The following GTF2H1 variants were observed in gnomAD, a reference collection of about 807,000 sequenced individuals.
The protein encoded by GTF2H1 is general transcription factor IIH subunit 1.
GTF2H1 carries 16 observed loss-of-function variants against 71.2 expected under a neutral mutation model. The observed-to-expected ratio is 0.22, with a 90% CI of 0.15 to 0.34. The LOEUF is 0.34. Ranked by LOEUF, GTF2H1 falls within the 10% of genes least tolerant of loss-of-function variation. The pLI is 1.00. For missense variants in GTF2H1, 498 were observed against 648.2 expected (o/e 0.77, Z 2.52); for synonymous variants, 215 against 219.0 (o/e 0.98, Z 0.16).
intron 4 of GTF2H1, 96 bp downstream of exon 4, chr11:18,338,370 T>G: frequency 1.3e-6 from 1 of 769,872 alleles, no homozygotes; most frequent in Non-Finnish European, 2.2e-6. Context: ...TAGCATTTCC[T>G]TAAAGGAAAG....
rs4150637 is a variant in GTF2H1 at position 18,347,758 on chromosome 11, A to G, written c.965+43A>G. On this transcript the variant is annotated intron_variant, in intron 8 of 14. Coordinates refer to ENST00000265963, the MANE Select transcript of GTF2H1 (RefSeq NM_005316.4). ...AGGTGCAGTAACTGGGCTTTTCAGG[A>G]TATCCAGATGGAGTTGTGGTGTTGT... The G allele has an allele frequency of 1.9e-3, 3,038 of 1,603,796 alleles. 47 individuals carry two copies. In the African/African-American group the frequency reaches 0.036, roughly 19 times the overall value.
intron 7 of GTF2H1, among the ~76,000 whole-genome samples, chr11:18,342,708 T>C (rs1039936052): frequency 1.3e-5 from 2 of 152,168 alleles, no homozygotes; most frequent in Non-Finnish European, 2.9e-5. Flanking sequence ...TACAACTTAG[T>C]ATGAAAGGAA....
chr11:18,364,399 A>G (rs1973849), intron 14 of GTF2H1, among the ~76,000 whole-genome samples: 2,538 of 152,262 alleles, frequency 0.017, 37 homozygotes, highest in Middle Eastern at 0.037. Context: ...CCAAGGAAAC[A>G]TATTCCAGAG....
intron 1 of GTF2H1, among the ~76,000 whole-genome samples, chr11:18,332,169 A>G (rs1864915704): frequency 6.6e-6 from 1 of 152,194 alleles, no homozygotes; most frequent in Non-Finnish European, 1.5e-5. Flanking sequence ...GTTGCGGTAA[A>G]GCTTCACTTA....
intron 13 of GTF2H1, among the ~76,000 whole-genome samples, chr11:18,359,335 G>A (rs994554823): frequency 1.3e-5 from 2 of 152,284 alleles, no homozygotes; most frequent in African/African-American, 4.8e-5. Flanking sequence ...GAGCCCAGGA[G>A]TTGGAGACCA....
At chr11:18,332,560 C>G (rs1049291412) in intron 1 of GTF2H1, 1 of 152,278 alleles carries the variant, frequency 6.6e-6, no homozygotes, top group Admixed American at 6.5e-5. Context: ...ATATTTAGTT[C>G]TCTCAGTTTT....
rs577491811 is a variant in GTF2H1 at position 18,353,096 on chromosome 11, A to C, written c.1260+650A>C. ...AAAAATTAACTGGGCGTGGTGGCAC[A>C]CACCTGTAATCCCAGCTACTCAAGA... On this transcript the variant is annotated intron_variant, in intron 11 of 14. Transcript: ENST00000265963. Among the ~76,000 whole-genome samples the C allele has an allele frequency of 1.2e-4, 18 of 152,308 alleles. No homozygotes were observed. The East Asian group carries it at 3.1e-3, about 26-fold the overall frequency.
intron 11 of GTF2H1, among the ~76,000 whole-genome samples, chr11:18,353,423 A>G (rs994727797): frequency 2.6e-5 from 4 of 152,194 alleles, no homozygotes; most frequent in Admixed American, 1.3e-4. Context: ...CCTTCCACAC[A>G]TGGCCAAGGG....
chr11:18,360,807 C>CTT (rs370660216), intron 14 of GTF2H1, 100 bp downstream of exon 14: 1,752 of 509,670 alleles, frequency 3.4e-3, no homozygotes, highest in Middle Eastern at 6.3e-3. Flanking sequence ...ACTTAATTTT[C>CTT]TTTTTTTTTT....
chr11:18,341,640 A>G, intron 7 of GTF2H1, 33 bp downstream of exon 7: 1 of 1,360,828 alleles, frequency 7.3e-7, no homozygotes, highest in East Asian at 2.3e-5. Context: ...TTGAGAGAAA[A>G]GAGTCTTTTC....
At chr11:18,346,176 C>T (rs1364424487) in intron 7 of GTF2H1, among the ~76,000 whole-genome samples, 1 of 152,156 alleles carries the variant, frequency 6.6e-6, no homozygotes, top group East Asian at 1.9e-4. Flanking sequence ...CATATACAGT[C>T]TCATGACACA....
intron 7 of GTF2H1, among the ~76,000 whole-genome samples, chr11:18,346,733 C>CTTTTTTTTTTTTTTTTTTTTTTTTTTTTT (rs35494754): frequency 1.2e-5 from 1 of 85,216 alleles, no homozygotes; most frequent in African/African-American, 4.9e-5. Context: ...TTTTTATTTA[C>CTTTTTTTTTTTTTTTTTTTTTTTTTTTTT]TTTTTTTTTT....
At chr11:18,355,862 T>A (rs1207228201) in intron 11 of GTF2H1, among the ~76,000 whole-genome samples, 20 of 152,140 alleles carry the variant, frequency 1.3e-4, no homozygotes, top group Admixed American at 2.6e-4. Flanking sequence ...ATCAAGATTT[T>A]AAAAAACCGG....
chr11:18,365,068 A>AT (rs138556593), intron 14 of GTF2H1, among the ~76,000 whole-genome samples: 1 of 109,890 alleles, frequency 9.1e-6, no homozygotes, highest in African/African-American at 4.2e-5. Flanking sequence ...CATCTCCACT[A>AT]TTTAAAAAAG....
At chr11:18,347,500 C>A in intron 7 of GTF2H1, 88 bp from the exon 8 acceptor site, 1 of 861,094 alleles carries the variant, frequency 1.2e-6, no homozygotes, top group Non-Finnish European at 1.7e-6. Context: ...AAAGTCCCAT[C>A]ATCCAGCAAA....
At chr11:18,322,839 C>T (rs61884318) in intron 1 of GTF2H1, 99 bp downstream of exon 1, 2 of 152,258 alleles carry the variant, frequency 1.3e-5, no homozygotes, top group Non-Finnish European at 2.9e-5. Context: ...TACCCCTGTT[C>T]CCAGCGTCGC....
chr11:18,331,805 A>G (rs975113767), intron 1 of GTF2H1, among the ~76,000 whole-genome samples: 1 of 152,104 alleles, frequency 6.6e-6, no homozygotes, highest in Non-Finnish European at 1.5e-5. Context: ...TTATGTTCAA[A>G]TAGAAGTTCT....
chr11:18,334,257 G>C (rs1231755263), intron 2 of GTF2H1, among the ~76,000 whole-genome samples: 1 of 152,150 alleles, frequency 6.6e-6, no homozygotes. Flanking sequence ...GCGGGCGCCT[G>C]TAGTCCCAGC....
intron 14 of GTF2H1, among the ~76,000 whole-genome samples, chr11:18,362,194 A>G (rs537143881): frequency 6.6e-6 from 1 of 152,124 alleles, no homozygotes; most frequent in Non-Finnish European, 1.5e-5. Context: ...TACTGTAAAC[A>G]GTTTTAACAC....
Sources: gnomAD v4.1 joint callset for allele counts (sites outside exome capture counted in the v4.1 genomes callset) on GRCh38, gnomAD v4.1.1 for gene constraint, MANE v1.5 for transcripts, NCBI Gene and HGNC (gene_info 2026-07-23, HGNC 2026-07-21) for gene names.